The following GRIA1 variants were observed in gnomAD, a reference collection of about 807,000 sequenced individuals.
The protein encoded by GRIA1 is glutamate ionotropic receptor AMPA type subunit 1.
GRIA1 carries 31 observed loss-of-function variants against 99.2 expected under a neutral mutation model. The observed-to-expected ratio is 0.31, with a 90% CI of 0.23 to 0.42. The LOEUF (loss-of-function observed/expected upper bound fraction) is 0.42. Among genes scored for constraint, GRIA1 ranks in the 10% least tolerant of loss-of-function variants. The pLI is 1.00. For missense variants in GRIA1, 782 were observed against 1,157.5 expected (o/e 0.68, Z 4.71); for synonymous variants, 438 against 432.4 (o/e 1.01, Z -0.16).
intron 2 of GRIA1, among the ~76,000 whole-genome samples, chr5:153,642,335 C>A (rs1179961685): frequency 4.6e-5 from 7 of 152,364 alleles, no homozygotes; most frequent in Admixed American, 2.0e-4. Context: ...TTGAAACCCA[C>A]CTCAGGGAAT....
chr5:153,742,256 G>C lies in GRIA1; in HGVS notation c.1824-22178G>C, dbSNP rs546334867. ...GGGAAGCAAGATAAGAAGAAGGTAG[G>C]AGTGTGCAGGAAGGAAAGTACTCAG... On this transcript the variant is annotated intron_variant, in intron 11 of 15. Coordinates refer to ENST00000285900, the MANE Select transcript of GRIA1 (RefSeq NM_000827.4). Among the ~76,000 whole-genome samples the C allele has an allele frequency of 6.6e-4, 100 of 152,284 alleles. 1 individual carries two copies. The highest frequency in any genetic ancestry group is 2.3e-3 in the African/African-American group (96 of 41,550).
chr5:153,547,809 A>G (rs1439103051), intron 2 of GRIA1, among the ~76,000 whole-genome samples: 1 of 152,160 alleles, frequency 6.6e-6, no homozygotes, highest in Non-Finnish European at 1.5e-5. Flanking sequence ...CACAGTTAGC[A>G]CCATCCAAAG....
At chr5:153,795,484 TA>T in intron 14 of GRIA1, 1 of 1,596,538 alleles carries the variant, frequency 6.3e-7, no homozygotes, top group Non-Finnish European at 8.6e-7. Flanking sequence ...AGAGGTCCCG[TA>T]AACCTAGCGG....
chr5:153,589,862 T>C (rs1763804770), intron 2 of GRIA1, among the ~76,000 whole-genome samples: 1 of 152,180 alleles, frequency 6.6e-6, no homozygotes, highest in Non-Finnish European at 1.5e-5. Context: ...GGGAAGATGC[T>C]GTTGAAGAAA....
chr5:153,558,985 AG>A (rs1305050740), intron 2 of GRIA1, among the ~76,000 whole-genome samples: 3 of 152,122 alleles, frequency 2.0e-5, no homozygotes, highest in African/African-American at 4.8e-5. Context: ...TTAGGAAAAC[AG>A]GCATTGGGTT....
chr5:153,777,468 T>C (rs968738838), intron 13 of GRIA1, among the ~76,000 whole-genome samples: 1 of 152,182 alleles, frequency 6.6e-6, no homozygotes, highest in Admixed American at 6.5e-5. Context: ...TCTTCTTATC[T>C]GAAAAATTGG....
chr5:153,791,553 A>G (rs1165139451), intron 13 of GRIA1, among the ~76,000 whole-genome samples: 4 of 152,142 alleles, frequency 2.6e-5, no homozygotes. Flanking sequence ...CGTGAAGCAC[A>G]ATGGTTATAT....
intron 14 of GRIA1, chr5:153,795,517 G>C: frequency 6.2e-7 from 1 of 1,613,358 alleles, no homozygotes; most frequent in South Asian, 1.1e-5. Context: ...AGTGAGCAAG[G>C]CGTCTTAGAC....
chr5:153,636,779 G>T (rs1293374877), intron 2 of GRIA1, among the ~76,000 whole-genome samples: 1 of 152,206 alleles, frequency 6.6e-6, no homozygotes, highest in African/African-American at 2.4e-5. Flanking sequence ...CATTAAATGA[G>T]TAATTCATGT....
At chr5:153,747,255 G>C (rs928730484) in intron 11 of GRIA1, among the ~76,000 whole-genome samples, 1 of 152,166 alleles carries the variant, frequency 6.6e-6, no homozygotes, top group Admixed American at 6.5e-5. Context: ...CACATGGTAA[G>C]AGAGGGGGCA....
chr5:153,531,951 A>G (rs1002898439), intron 2 of GRIA1, among the ~76,000 whole-genome samples: 1 of 152,150 alleles, frequency 6.6e-6, no homozygotes, highest in African/African-American at 2.4e-5. Flanking sequence ...GGTCCACTTG[A>G]AAACCCATAC....
At chr5:153,741,606 A>T (rs1761793541) in intron 11 of GRIA1, among the ~76,000 whole-genome samples, 1 of 152,232 alleles carries the variant, frequency 6.6e-6, no homozygotes, top group South Asian at 2.1e-4. Context: ...ATACAACAAC[A>T]TGGATGAACC....
intron 7 of GRIA1, 35 bp downstream of exon 7, chr5:153,677,196 G>T (rs750402597): frequency 5.9e-5 from 81 of 1,366,998 alleles, no homozygotes; most frequent in Non-Finnish European, 7.4e-5. Flanking sequence ...TCTCATAGGA[G>T]CCTACTGGGG....
chr5:153,778,204 T>A (rs1162084660), intron 13 of GRIA1, among the ~76,000 whole-genome samples: 6 of 151,068 alleles, frequency 4.0e-5, no homozygotes, highest in Admixed American at 3.3e-4. Context: ...TGTGTGTGTG[T>A]GTGTGTGTGT....
chr5:153,521,475 G>A (rs1757137120), intron 2 of GRIA1, among the ~76,000 whole-genome samples: 1 of 152,190 alleles, frequency 6.6e-6, no homozygotes, highest in South Asian at 2.1e-4. Flanking sequence ...CAGAACTACA[G>A]CTTCCACATC....
intron 15 of GRIA1, among the ~76,000 whole-genome samples, chr5:153,808,255 A>G (rs966733760): frequency 1.3e-4 from 20 of 152,136 alleles, no homozygotes; most frequent in Non-Finnish European, 2.5e-4. Flanking sequence ...TATCAGTTCC[A>G]AAAACACCAC....
At chr5:153,655,289 G>A (rs1443941931) in intron 4 of GRIA1, among the ~76,000 whole-genome samples, 1 of 152,180 alleles carries the variant, frequency 6.6e-6, no homozygotes, top group Non-Finnish European at 1.5e-5. Context: ...AGAAAGAAGA[G>A]CATCTATATA....
chr5:153,743,515 T>C (rs964339628), intron 11 of GRIA1, among the ~76,000 whole-genome samples: 19 of 152,234 alleles, frequency 1.2e-4, no homozygotes, highest in African/African-American at 4.3e-4. Flanking sequence ...ATTTTCTTGC[T>C]GGCTGCCACT....
intron 2 of GRIA1, among the ~76,000 whole-genome samples, chr5:153,625,522 T>C (rs578083373): frequency 1.1e-3 from 160 of 152,314 alleles, no homozygotes; most frequent in Non-Finnish European, 1.6e-3. Context: ...GAGCTCTCTC[T>C]GATACCACGG....
Sources: allele counts gnomAD v4.1 joint callset (sites outside exome capture counted in the v4.1 genomes callset), GRCh38; gene constraint gnomAD v4.1.1; transcripts MANE v1.5; gene names NCBI Gene and HGNC (gene_info 2026-07-23, HGNC 2026-07-21).